MGAT4C: variants seen among roughly 807,000 people sequenced by gnomAD.
The protein encoded by MGAT4C is MGAT4 family member C.
A neutral mutation model predicts 40.1 loss-of-function variants in MGAT4C; 19 were observed. The observed-to-expected ratio is 0.47, with a 90% CI of 0.33 to 0.70. The LOEUF (loss-of-function observed/expected upper bound fraction) is 0.70, where lower values mean the gene tolerates loss of function less well. MGAT4C is among the 30% of genes least tolerant of loss of function. The pLI, the probability that MGAT4C is intolerant of heterozygous loss-of-function variation, is 0.02. For missense variants in MGAT4C, 491 were observed against 563.2 expected (o/e 0.87, Z 1.30); for synonymous variants, 181 against 187.1 (o/e 0.97, Z 0.27).
Position 86,338,872 on chromosome 12 carries a change from C to T in MGAT4C, c.-119-4745G>A, listed in dbSNP as rs116067843. Among the ~76,000 whole-genome samples the T allele has an allele frequency of 8.2e-3, 1,215 of 148,186 alleles. 24 individuals carry two copies. The highest frequency in any genetic ancestry group is 0.029 in the African/African-American group (1,166 of 40,100). Reference sequence around the variant, plus strand: ...TACTCAGGAGGCTGAGGTATAAGAACCGCTTGAACCCAGGTGGCAGAAGTT... The same window carrying T: ...TACTCAGGAGGCTGAGGTATAAGAATCGCTTGAACCCAGGTGGCAGAAGTT... On this transcript the variant is annotated intron_variant, in intron 3 of 7. Coordinates refer to the MGAT4C transcript ENST00000548651.
At chr12:86,152,899 C>CT (rs756065421) in intron 1 of MGAT4C, among the ~76,000 whole-genome samples, 10 of 151,428 alleles carry the variant, frequency 6.6e-5, no homozygotes, top group Non-Finnish European at 1.2e-4. Context: ...TCCTCTCTTG[C>CT]GTTTTTTTTC....
intron 1 of MGAT4C, among the ~76,000 whole-genome samples, chr12:86,088,014 A>G (rs1872204972): frequency 6.6e-6 from 1 of 152,016 alleles, no homozygotes; most frequent in Non-Finnish European, 1.5e-5. Flanking sequence ...AAAACATGGG[A>G]CTGGTACAAA....
chr12:86,117,068 G>A (rs1289084985), intron 1 of MGAT4C, among the ~76,000 whole-genome samples: 4 of 152,000 alleles, frequency 2.6e-5, no homozygotes, highest in African/African-American at 9.7e-5. Flanking sequence ...TTTAATCATT[G>A]CTTAAAAAAA....
rs144062899 is a variant in MGAT4C, at chr12:85,979,322, T to C, written c.1404A>G (p.Leu468=). Residue 468 remains leucine (L), a synonymous_variant, in exon 5 of 5, where the codon CTA becomes CTG. Transcript: ENST00000611864. The part of the protein sequence containing the change: ...IYVTKTQKEW[L]IIRSISIWTS The stretch of plus-strand genomic sequence containing the variant: ...TCCAAATGCTAATACTCCTAATAAT[T>C]AGCCATTCCTTTTGTGTTTTGGTGA... 247 of 1,607,090 alleles carry C rather than the reference T, an allele frequency of 1.5e-4. No homozygotes were observed. The highest frequency in any genetic ancestry group is 2.0e-4 in the Non-Finnish European group (230 of 1,175,696).
rs1018386372 is a variant in MGAT4C, at chr12:86,281,332, C to T, written c.-57+52733G>A. ...TTTTCTCTATTTTCCCCTTCCTATCCCTCATTTCCTCCCCCTTTCCTTCCT... is the reference window on the plus strand; with the variant it reads ...TTTTCTCTATTTTCCCCTTCCTATCTCTCATTTCCTCCCCCTTTCCTTCCT... On this transcript the variant is annotated intron_variant, in intron 4 of 7. Transcript: ENST00000548651. Among the ~76,000 whole-genome samples, 41 of 151,482 alleles carry T rather than the reference C, an allele frequency of 2.7e-4. 2 individuals carry two copies. Among genetic ancestry groups the T allele is most frequent in the Admixed American group, 2.4e-3 (37 of 15,184 alleles).
In MGAT4C at chr12:86,038,821, T is replaced by G. The variant is rs931626555; in HGVS notation, c.-7+10853A>C. Among the ~76,000 whole-genome samples, 9 of 150,062 alleles carry G rather than the reference T, an allele frequency of 6.0e-5. 1 individual carries two copies. In the South Asian group the frequency reaches 1.1e-3, roughly 18 times the overall value. ...CCCGTTAGTTGATACAGTTTCTTCA[T>G]AGTGTTGATGGTCTTTAAAATTTGG... On this transcript the variant is annotated intron_variant, in intron 2 of 4. Transcript: ENST00000611864.
At chr12:86,570,641 TAGA>T (rs1032879407) in intron 2 of MGAT4C, among the ~76,000 whole-genome samples, 1 of 152,102 alleles carries the variant, frequency 6.6e-6, no homozygotes, top group Non-Finnish European at 1.5e-5. Flanking sequence ...GTTGGTGAAT[TAGA>T]AGAATATACA....
At chr12:86,055,728 G>A (rs561130920) in intron 1 of MGAT4C, among the ~76,000 whole-genome samples, 11 of 151,984 alleles carry the variant, frequency 7.2e-5, no homozygotes, top group African/African-American at 2.7e-4. Flanking sequence ...CTGGCAGCTG[G>A]GTGCTTCAAA....
chr12:86,458,140 C>A (rs898609957), intron 2 of MGAT4C, among the ~76,000 whole-genome samples: 12 of 152,020 alleles, frequency 7.9e-5, no homozygotes, highest in African/African-American at 2.7e-4. Flanking sequence ...ATGTCATTAG[C>A]ACCTAAAGTA....
At chr12:86,276,417 A>T (rs2136112923) in intron 4 of MGAT4C, among the ~76,000 whole-genome samples, 1 of 152,318 alleles carries the variant, frequency 6.6e-6, no homozygotes, top group South Asian at 2.1e-4. Context: ...TTTATGTTAC[A>T]AACAATCCAA....
At chr12:86,735,692 A>G (rs980590067) in intron 1 of MGAT4C, among the ~76,000 whole-genome samples, 3 of 151,946 alleles carry the variant, frequency 2.0e-5, no homozygotes, top group African/African-American at 7.2e-5. Context: ...GTTATTTTGT[A>G]TCTTCAGATA....
intron 3 of MGAT4C, among the ~76,000 whole-genome samples, chr12:86,413,652 A>G (rs567213576): frequency 1.5e-4 from 23 of 152,296 alleles, no homozygotes; most frequent in Non-Finnish European, 2.9e-4. Context: ...GAGATGTTAC[A>G]AAGTCAAAGA....
At chr12:86,123,837 A>G (rs2135690504) in intron 1 of MGAT4C, among the ~76,000 whole-genome samples, 1 of 152,254 alleles carries the variant, frequency 6.6e-6, no homozygotes, top group Non-Finnish European at 1.5e-5. Flanking sequence ...TTTATAAAAT[A>G]CGGACGAAGG....
At chr12:86,324,377 C>T (rs553849444) in intron 4 of MGAT4C, among the ~76,000 whole-genome samples, 1 of 151,790 alleles carries the variant, frequency 6.6e-6, no homozygotes, top group Non-Finnish European at 1.5e-5. Flanking sequence ...TTCTTACATT[C>T]TTTTAATTCT....
rs144344353 is a variant in MGAT4C, at chr12:86,100,236, T to C, written c.-56-50513A>G. Among the ~76,000 whole-genome samples the C allele has an allele frequency of 3.2e-3, 478 of 151,584 alleles. 2 individuals carry two copies. The highest frequency in any genetic ancestry group is 0.011 in the African/African-American group (444 of 41,512). ...TGTTACAATGCATTGGACTCAGCAA[T>C]GACATCCTGTTTTATATTACTTATT... On this transcript the variant is annotated intron_variant, in intron 1 of 4. Transcript: ENST00000611864.
Position 85,964,758 on chromosome 12 carries a change from T to G in MGAT4C, c.*14531A>C, listed in dbSNP as rs1883269941. On this transcript the variant is annotated 3_prime_UTR_variant, in exon 5 of 5. Coordinates refer to ENST00000611864, the MANE Select transcript of MGAT4C (RefSeq NM_001351288.2). Reference sequence around the variant, plus strand: ...GAAGAAACATTATAGGAAGCATTTTTTTTTCCTACAGAGTCTGCCATATGG... The same window carrying G: ...GAAGAAACATTATAGGAAGCATTTTGTTTTCCTACAGAGTCTGCCATATGG... 6.6e-6 allele frequency: 1 copy of G among 152,142 alleles called. No homozygotes were observed. Among genetic ancestry groups the G allele is most frequent in the African/African-American group, 2.4e-5 (1 of 41,430 alleles). 9.4% of individuals were successfully genotyped at this position (152,142 alleles called of 1,614,324 possible).
At chr12:86,739,632 A>T (rs1207024388) in intron 1 of MGAT4C, among the ~76,000 whole-genome samples, 1 of 151,024 alleles carries the variant, frequency 6.6e-6, no homozygotes, top group Non-Finnish European at 1.5e-5. Flanking sequence ...TAGCATTTAC[A>T]TTGAATTAGA....
intron 1 of MGAT4C, among the ~76,000 whole-genome samples, chr12:86,822,468 A>T (rs1047527107): frequency 2.6e-5 from 4 of 151,128 alleles, no homozygotes; most frequent in African/African-American, 9.7e-5. Context: ...CTTTAGACAC[A>T]TGCAGGCTGA....
At chr12:86,246,545 T>G (rs1400597838) in intron 1 of MGAT4C, among the ~76,000 whole-genome samples, 1 of 152,228 alleles carries the variant, frequency 6.6e-6, no homozygotes. Flanking sequence ...TTGGATATAT[T>G]GCTATCTTTT....
Sources: allele counts gnomAD v4.1 joint callset (sites outside exome capture counted in the v4.1 genomes callset), GRCh38; gene constraint gnomAD v4.1.1; transcripts MANE v1.5; gene names NCBI Gene and HGNC (gene_info 2026-07-23, HGNC 2026-07-21).